GFI1B: variants seen among roughly 807,000 people sequenced by gnomAD.
GFI1B encodes zinc finger protein Gfi-1b.
In GFI1B, 20 loss-of-function variants were observed where a neutral mutation model predicts 35.3. The ratio of observed to expected loss-of-function variants is 0.57; its 90% CI spans 0.40 to 0.82. The LOEUF (loss-of-function observed/expected upper bound fraction) is 0.82. Among genes scored for constraint, GFI1B ranks in the 40% least tolerant of loss-of-function variants. The pLI, the probability that GFI1B is intolerant of heterozygous loss-of-function variation, is 0.00. For synonymous variants in GFI1B, 178 were observed against 177.6 expected (o/e 1.00, Z -0.02); for missense variants, 430 against 446.3 (o/e 0.96, Z 0.33).
intron 1 of GFI1B, among the ~76,000 whole-genome samples, chr9:132,954,442 GT>G (rs1848250363): frequency 6.6e-6 from 1 of 151,754 alleles, no homozygotes. Flanking sequence ...AGATGTGGTA[GT>G]GCATAACTGT....
chr9:132,965,680 G>A (rs916075769), intron 1 of GFI1B, among the ~76,000 whole-genome samples: 2 of 152,200 alleles, frequency 1.3e-5, no homozygotes, highest in African/African-American at 4.8e-5. Context: ...CCAGGCCAAG[G>A]AATGCCAAAG....
At chr9:132,970,861 G>A (rs1848523432) in intron 1 of GFI1B, among the ~76,000 whole-genome samples, 1 of 152,018 alleles carries the variant, frequency 6.6e-6, no homozygotes, top group African/African-American at 2.4e-5. Context: ...GAGTTTATGG[G>A]GCGGTAACCA....
chr9:132,973,179 T>A (rs1681030666), intron 2 of GFI1B, among the ~76,000 whole-genome samples: 1 of 152,250 alleles, frequency 6.6e-6, no homozygotes, highest in Non-Finnish European at 1.5e-5. Context: ...ATTCTGTGGC[T>A]GTCCTGGGCC....
At chr9:132,988,513 C>T (rs749952548) in intron 4 of GFI1B, 45 bp downstream of exon 4, 12 of 1,567,514 alleles carry the variant, frequency 7.7e-6, no homozygotes, top group Non-Finnish European at 9.6e-6. Flanking sequence ...CTCCTCTCCG[C>T]ACTCCCTCTC....
At chr9:132,986,571 G>A in intron 1 of GFI1B, 88 bp from the exon 2 acceptor site, 1 of 736,180 alleles carries the variant, frequency 1.4e-6, no homozygotes, top group South Asian at 1.5e-5. Context: ...CAGTATAGCT[G>A]GTGTTTTATC....
chr9:132,963,081 CAAAAA>C (rs763899545), intron 1 of GFI1B, among the ~76,000 whole-genome samples: 1 of 47,990 alleles, frequency 2.1e-5, no homozygotes, highest in African/African-American at 7.7e-5. Flanking sequence ...GACTCCATCT[CAAAAA>C]AAAAAAAAAA....
chr9:132,980,217 C>T (rs1025506938), intron 1 of GFI1B, among the ~76,000 whole-genome samples: 1 of 149,896 alleles, frequency 6.7e-6, no homozygotes, highest in Non-Finnish European at 1.5e-5. Flanking sequence ...TTCAGCGGGG[C>T]AGGGTAGGGT....
intron 2 of GFI1B, among the ~76,000 whole-genome samples, chr9:132,973,114 C>G (rs1189603336): frequency 6.6e-6 from 1 of 152,246 alleles, no homozygotes; most frequent in Non-Finnish European, 1.5e-5. Flanking sequence ...GGGCAGGGAC[C>G]ACCGGGTCCA....
chr9:132,988,583 A>G, intron 4 of GFI1B, 115 bp downstream of exon 4: 4 of 978,794 alleles, frequency 4.1e-6, no homozygotes, highest in Non-Finnish European at 6.1e-6. Context: ...TGGTGGGATT[A>G]AGGATTCAAA....
intron 1 of GFI1B, among the ~76,000 whole-genome samples, chr9:132,949,369 CT>C (rs1023878656): frequency 3.3e-5 from 5 of 151,940 alleles, no homozygotes; most frequent in Non-Finnish European, 7.4e-5. Flanking sequence ...CCCCAACCCC[CT>C]GATTGGACCT....
At chr9:132,987,522 G>A (rs1849118885) in intron 3 of GFI1B, 103 bp downstream of exon 3, 5 of 1,345,246 alleles carry the variant, frequency 3.7e-6, no homozygotes, top group Admixed American at 3.7e-5. Context: ...AGTCAGGAAG[G>A]ACCCACGAAG....
intron 1 of GFI1B, among the ~76,000 whole-genome samples, chr9:132,969,996 C>T (rs191562399): frequency 2.6e-5 from 4 of 152,090 alleles, no homozygotes; most frequent in African/African-American, 9.7e-5. Flanking sequence ...TGGAGGGCTC[C>T]CTGGTGTTGA....
At chr9:132,976,884 G>A (rs1848645860), upstream of GFI1B, among the ~76,000 whole-genome samples, 1 of 152,150 alleles carries the variant, frequency 6.6e-6, no homozygotes, top group African/African-American at 2.4e-5. Context: ...CGAGGCTGCA[G>A]TGAGCTATGA....
intron 6 of GFI1B, 120 bp downstream of exon 6, chr9:132,990,027 C>G: frequency 1.2e-6 from 1 of 845,498 alleles, no homozygotes; most frequent in Non-Finnish European, 2.0e-6. Flanking sequence ...AGTCAAAGGC[C>G]ACTGCTGATG....
At chr9:132,974,307 T>C (rs1013679655), upstream of GFI1B, among the ~76,000 whole-genome samples, 9 of 151,956 alleles carry the variant, frequency 5.9e-5, no homozygotes, top group African/African-American at 2.2e-4. Context: ...AATTAAAAGA[T>C]AGGAAGATGG....
rs902522048 is a variant in GFI1B at position 132,986,173 on chromosome 9, C to T, written c.-20-486C>T. Among the ~76,000 whole-genome samples, 8 of 152,210 alleles carry T rather than the reference C, an allele frequency of 5.3e-5. No homozygotes were observed. In the East Asian group the frequency reaches 5.8e-4, roughly 11 times the overall value. On this transcript the variant is annotated intron_variant, in intron 1 of 6. Coordinates refer to ENST00000372122, the MANE Select transcript of GFI1B (RefSeq NM_001377304.1). Reference sequence around the variant, plus strand: ...TCTAGAAATCCAAAATCGAGGTGTCCGCAAAGTGGGTTCTTTCTGCAGACG... The same window carrying T: ...TCTAGAAATCCAAAATCGAGGTGTCTGCAAAGTGGGTTCTTTCTGCAGACG...
chr9:132,963,182 T>C (rs1338274577), intron 1 of GFI1B, among the ~76,000 whole-genome samples: 1 of 151,596 alleles, frequency 6.6e-6, no homozygotes, highest in Non-Finnish European at 1.5e-5. Flanking sequence ...GGAACTTTCA[T>C]TTCAAAAAAA....
At chr9:132,952,357 C>T in intron 1 of GFI1B, 1 of 152,046 alleles carries the variant, frequency 6.6e-6, no homozygotes, top group East Asian at 1.9e-4. Context: ...GCTCTGTTGT[C>T]CAGGCTGGAG....
intron 1 of GFI1B, among the ~76,000 whole-genome samples, chr9:132,970,502 A>G (rs1457517205): frequency 6.6e-6 from 1 of 152,144 alleles, no homozygotes; most frequent in Non-Finnish European, 1.5e-5. Context: ...GCATGCATCC[A>G]TGGCCACGCT....
Sources: gnomAD v4.1 joint callset for allele counts (sites outside exome capture counted in the v4.1 genomes callset) on GRCh38, gnomAD v4.1.1 for gene constraint, MANE v1.5 for transcripts, NCBI Gene and HGNC (gene_info 2026-07-23, HGNC 2026-07-21) for gene names.